Variants in CCNY observed in about 807,000 individuals in gnomAD.
CCNY encodes cyclin Y, also known as cyclin-Y.
Under a neutral mutation model 42.8 loss-of-function variants are expected in CCNY, and 19 were observed. The ratio of observed to expected loss-of-function variants is 0.44; its 90% CI spans 0.31 to 0.65. The LOEUF (loss-of-function observed/expected upper bound fraction) is 0.65, where lower values mean the gene tolerates loss of function less well. CCNY is among the 30% of genes least tolerant of loss of function. CCNY has a pLI of 0.07. For synonymous variants in CCNY, 165 were observed against 162.7 expected (o/e 1.01, Z -0.11); for missense variants, 370 against 437.3 (o/e 0.85, Z 1.37).
chr10:35,263,792 G>C (rs2135034809), intron 3 of CCNY, among the ~76,000 whole-genome samples: 1 of 152,268 alleles, frequency 6.6e-6, no homozygotes, highest in African/African-American at 2.4e-5. Flanking sequence ...CATGGCCTAG[G>C]TATTAAGGTC....
At chr10:35,318,220 C>T (rs1163709845) in intron 3 of CCNY, among the ~76,000 whole-genome samples, 1 of 150,880 alleles carries the variant, frequency 6.6e-6, no homozygotes, top group African/African-American at 2.5e-5. Flanking sequence ...AGAGCAGACC[C>T]TATTTCTAAA....
chr10:35,260,725 A>G (rs2095718935), intron 3 of CCNY, among the ~76,000 whole-genome samples: 2 of 152,216 alleles, frequency 1.3e-5, no homozygotes, highest in African/African-American at 4.8e-5. Flanking sequence ...AATCCTGACC[A>G]ATGCCTAATG....
intron 3 of CCNY, among the ~76,000 whole-genome samples, chr10:35,283,974 C>T (rs531413460): frequency 5.9e-5 from 9 of 152,094 alleles, no homozygotes; most frequent in Admixed American, 2.0e-4. Flanking sequence ...GTCCCAGCTA[C>T]TTGGGAGGCT....
chr10:35,457,132 C>A (rs575418347), intron 1 of CCNY, among the ~76,000 whole-genome samples: 5 of 152,298 alleles, frequency 3.3e-5, no homozygotes, highest in Non-Finnish European at 7.4e-5. Context: ...TGTTCTTTTT[C>A]ATGTTTGATG....
Position 35,530,088 on chromosome 10 carries a change from G to A in CCNY, c.460-36G>A, listed in dbSNP as rs1490588597. On this transcript the variant is annotated intron_variant, in intron 6 of 9. Transcript: ENST00000374704. The surrounding 1 kb of genome is among the most constrained non-coding windows in gnomAD (Gnocchi z 4.3). ...TAATTATTTCTCTTTTGCTCCAATCGGGAGATCAGTCATCTGAAAATATTT... is the reference window on the plus strand; with the variant it reads ...TAATTATTTCTCTTTTGCTCCAATCAGGAGATCAGTCATCTGAAAATATTT... The A allele has an allele frequency of 3.1e-6, 5 of 1,613,982 alleles. No individual in the cohort carries two copies. Among genetic ancestry groups the A allele is most frequent in the Middle Eastern group, 1.6e-4 (1 of 6,062 alleles).
intron 2 of CCNY, chr10:35,248,268 A>G (rs899155380): frequency 6.6e-5 from 10 of 152,280 alleles, no homozygotes; most frequent in Admixed American, 3.3e-4. Context: ...TCCTAGAAAA[A>G]CCTTTTGTGT....
intron 1 of CCNY, among the ~76,000 whole-genome samples, chr10:35,478,066 G>A (rs1472807621): frequency 6.7e-6 from 1 of 148,980 alleles, no homozygotes; most frequent in Admixed American, 6.7e-5. Flanking sequence ...AAATACCTAG[G>A]AATCCAACTT....
At chr10:35,467,138 TG>T (rs1181398075) in intron 1 of CCNY, among the ~76,000 whole-genome samples, 2 of 152,234 alleles carry the variant, frequency 1.3e-5, no homozygotes, top group African/African-American at 2.4e-5. Context: ...AATAATTGTA[TG>T]TACAGATGAG....
At chr10:35,361,313 G>C (rs1371854260) in intron 1 of CCNY, among the ~76,000 whole-genome samples, 1 of 152,072 alleles carries the variant, frequency 6.6e-6, no homozygotes, top group Non-Finnish European at 1.5e-5. Context: ...TATTATAAAA[G>C]TGTTGCCTCT....
intron 1 of CCNY, among the ~76,000 whole-genome samples, chr10:35,465,473 T>G (rs1839239962): frequency 6.6e-6 from 1 of 152,214 alleles, no homozygotes; most frequent in African/African-American, 2.4e-5. Context: ...CTTCTAAACA[T>G]AAACACCAGC....
At chr10:35,481,680 G>C (rs765822131) in intron 1 of CCNY, among the ~76,000 whole-genome samples, 3 of 152,190 alleles carry the variant, frequency 2.0e-5, no homozygotes, top group Non-Finnish European at 4.4e-5. Context: ...TTTTCTAGGG[G>C]ACTATGTGTT....
rs1838916949 is a variant in CCNY, at chr10:35,451,562, C to T, written c.155-31842C>T. 3.3e-5 allele frequency among the ~76,000 whole-genome samples: 5 copies of T among 152,078 alleles called. No individual in the cohort carries two copies. In the South Asian group the frequency reaches 8.3e-4, roughly 25 times the overall value. On this transcript the variant is annotated intron_variant, in intron 1 of 9. Coordinates refer to ENST00000374704, the MANE Select transcript of CCNY (RefSeq NM_145012.6). The stretch of plus-strand genomic sequence containing the variant: ...TGAGCAGGTTTTGGTTGGTTTGGTT[C>T]CTCTTTTGTTGGTGCTTTTGTGAGG...
At position 35,304,315 on chromosome 10, in the gene CCNY, TTTA is replaced by T. The variant is rs1564363225; in HGVS notation, c.-9+53692_-9+53694del. Among the ~76,000 whole-genome samples the T allele has an allele frequency of 1.6e-4, 9 of 56,612 alleles. 4 individuals are homozygous for T. The highest frequency in any genetic ancestry group is 8.1e-4 in the African/African-American group (9 of 11,066). The allele number at this position is 56,612 out of a possible 152,430, so 37.1% of individuals were successfully genotyped here. A position where few individuals can be genotyped will look rare whatever the true frequency, so the allele number is the denominator to read the frequency against. On this transcript the variant is annotated intron_variant, in intron 3 of 11. Transcript: ENST00000374706. Reference sequence around the variant, plus strand: ...TTTTATTTTTTTTTTTTTTTTATTTTTTATTTTTTTTTGAGACGGAGTCTCGCT... The same window carrying T: ...TTTTATTTTTTTTTTTTTTTTATTTTTTTTTTTTTGAGACGGAGTCTCGCT...
chr10:35,530,003 T>C lies in CCNY; in HGVS notation c.432T>C (p.Ile144=). 1 of 1,614,164 alleles carries C rather than the reference T, an allele frequency of 6.2e-7. No individual in the cohort carries two copies. The highest frequency in any genetic ancestry group is 1.1e-5 in the South Asian group (1 of 91,088). The change falls in exon 6 of 10, where the codon ATT becomes ATC. Residue 144 remains isoleucine, a synonymous_variant. Coordinates refer to ENST00000374704, the MANE Select transcript of CCNY (RefSeq NM_145012.6). This position sits in a 1 kb window ranked among gnomAD's most constrained non-coding sequence, Gnocchi z 4.3. ...RDPDGRMLLD[I]FDENLHPLSK... ...CAGATGGAAGGATGCTCTTAGATAT[T>C]TTTGATGAAAATCTTCACCCTCTTT... is the stretch of plus-strand genomic sequence containing the variant.
At chr10:35,450,566 T>C (rs1487605246) in intron 1 of CCNY, among the ~76,000 whole-genome samples, 1 of 151,888 alleles carries the variant, frequency 6.6e-6, no homozygotes, top group Non-Finnish European at 1.5e-5. Context: ...GATGGAAAGG[T>C]TGTGGTTCTG....
At chr10:35,356,142 A>G (rs1432002499) in intron 1 of CCNY, among the ~76,000 whole-genome samples, 3 of 152,216 alleles carry the variant, frequency 2.0e-5, no homozygotes, top group Non-Finnish European at 2.9e-5. Context: ...TATTACAAAG[A>G]TAGAAACCAA....
rs138042374 is a variant in CCNY, at chr10:35,395,951, G to T, written c.154+58744G>T. Among the ~76,000 whole-genome samples the T allele has an allele frequency of 5.0e-3, 757 of 152,130 alleles. 6 individuals carry two copies. The highest frequency in any genetic ancestry group is 0.01 in the Middle Eastern group (3 of 294). On this transcript the variant is annotated intron_variant, in intron 1 of 9. Coordinates refer to ENST00000374704, the MANE Select transcript of CCNY (RefSeq NM_145012.6). ...AGCTGGCCCAGTGTGCGGGTGTTGT[G>T]GGGTGCATAGGGCCCCCGAGAGAGG... is the stretch of plus-strand genomic sequence containing the variant.
chr10:35,269,203 A>G (rs1479627667), intron 3 of CCNY, among the ~76,000 whole-genome samples: 1 of 152,118 alleles, frequency 6.6e-6, no homozygotes, highest in Non-Finnish European at 1.5e-5. Flanking sequence ...ATTTTACTAT[A>G]AGCAGTTAAA....
intron 3 of CCNY, among the ~76,000 whole-genome samples, chr10:35,316,572 C>G (rs894704019): frequency 6.6e-6 from 1 of 152,030 alleles, no homozygotes; most frequent in African/African-American, 2.4e-5. Context: ...GGTGTAATCT[C>G]TTTTTTAAAA....
Sources: allele counts gnomAD v4.1 joint callset (sites outside exome capture counted in the v4.1 genomes callset), GRCh38; gene constraint gnomAD v4.1.1; non-coding constraint Gnocchi (gnomAD v3.1); transcripts MANE v1.5; gene names NCBI Gene and HGNC (gene_info 2026-07-23, HGNC 2026-07-21).